Variants in TMEM244 observed in about 807,000 individuals in gnomAD.
The protein encoded by TMEM244 is transmembrane protein 244.
Under a neutral mutation model 15.8 loss-of-function variants are expected in TMEM244, and 13 were observed. The ratio of observed to expected loss-of-function variants is 0.82; its 90% CI spans 0.53 to 1.30. The LOEUF is 1.30. TMEM244 is among the 50% of genes most tolerant of loss of function. TMEM244 has a pLI of 0.00. For missense variants in TMEM244, 161 were observed against 144.9 expected (o/e 1.11, Z -0.57); for synonymous variants, 45 against 48.7 (o/e 0.92, Z 0.32).
intron 2 of TMEM244, 107 bp from the exon 3 acceptor site, chr6:129,843,710 T>C: frequency 1.3e-6 from 1 of 771,454 alleles, no homozygotes. Context: ...GCTATGCGAT[T>C]CACCCACATT....
At chr6:129,838,603 G>A (rs9483062) in intron 3 of TMEM244, among the ~76,000 whole-genome samples, 56,669 of 151,782 alleles carry the variant, frequency 0.37, 11,064 homozygotes, top group South Asian at 0.5. Flanking sequence ...TGAAGGAGAT[G>A]GAGACACAAA....
chr6:129,847,225 C>T (rs994145162), intron 1 of TMEM244, among the ~76,000 whole-genome samples: 1 of 152,152 alleles, frequency 6.6e-6, no homozygotes, highest in African/African-American at 2.4e-5. Context: ...TTAACCTTTT[C>T]AAAGATATCC....
At chr6:129,838,924 G>A (rs1045377394) in intron 3 of TMEM244, among the ~76,000 whole-genome samples, 6 of 151,324 alleles carry the variant, frequency 4.0e-5, no homozygotes, top group Admixed American at 3.3e-4. Flanking sequence ...TTCTGAAATA[G>A]AGGAAATAAT....
intron 1 of TMEM244, among the ~76,000 whole-genome samples, chr6:129,852,781 C>A (rs564218586): frequency 8.5e-5 from 13 of 152,220 alleles, no homozygotes; most frequent in African/African-American, 3.1e-4. Context: ...TGGTGCCAGC[C>A]ACAAACCATT....
intron 2 of TMEM244, among the ~76,000 whole-genome samples, chr6:129,845,361 G>A (rs908214965): frequency 5.3e-5 from 8 of 152,160 alleles, no homozygotes; most frequent in Admixed American, 1.3e-4. Context: ...TAATGGGTTC[G>A]CTTTCTTTCC....
intron 3 of TMEM244, among the ~76,000 whole-genome samples, chr6:129,837,986 C>A (rs1207576478): frequency 6.6e-6 from 1 of 152,158 alleles, no homozygotes; most frequent in Non-Finnish European, 1.5e-5. Context: ...GACTTTAACA[C>A]CCCACTGTCA....
At chr6:129,834,006 C>T (rs975123670) in intron 3 of TMEM244, among the ~76,000 whole-genome samples, 44 of 152,232 alleles carry the variant, frequency 2.9e-4, no homozygotes, top group Admixed American at 2.4e-3. Context: ...TGAACTACAA[C>T]GTTTGTCTGA....
intron 1 of TMEM244, among the ~76,000 whole-genome samples, chr6:129,859,258 G>A (rs1776766064): frequency 6.6e-6 from 1 of 152,164 alleles, no homozygotes. Flanking sequence ...TTCTGAACAT[G>A]TATACAATTC....
At chr6:129,839,017 C>T (rs1230920060) in intron 3 of TMEM244, among the ~76,000 whole-genome samples, 1 of 152,166 alleles carries the variant, frequency 6.6e-6, no homozygotes. Context: ...GGAGCTGGTA[C>T]CATTCCTTCT....
intron 3 of TMEM244, among the ~76,000 whole-genome samples, chr6:129,840,302 C>A (rs1033709095): frequency 6.6e-6 from 1 of 152,172 alleles, no homozygotes; most frequent in Admixed American, 6.5e-5. Context: ...TGATCTTTGA[C>A]AAACCTGACA....
intron 3 of TMEM244, among the ~76,000 whole-genome samples, chr6:129,840,994 A>G (rs1472674870): frequency 1.3e-5 from 2 of 152,238 alleles, no homozygotes; most frequent in Non-Finnish European, 2.9e-5. Flanking sequence ...AACTAGTTCA[A>G]CCATTGCGGA....
Position 129,861,304 on chromosome 6 carries a change from A to AGAC in TMEM244, c.-119_-117dup. 1 of 1,197,362 alleles carries AGAC rather than the reference A, an allele frequency of 8.4e-7. No individual in the cohort carries two copies. Among genetic ancestry groups the AGAC allele is most frequent in the South Asian group, 1.3e-5 (1 of 75,834 alleles). The allele number at this position is 1,197,362 out of a possible 1,614,324, so 74.2% of individuals were successfully genotyped here. ...CAATTACTCCTGGAGACTAAGTGTG[A>AGAC]GACGCAGTAGTGCAGGATGATTGGA... On this transcript the variant is annotated 5_prime_UTR_variant, in exon 1 of 5. Transcript: ENST00000368143.
chr6:129,832,088 T>G (rs950775612), intron 4 of TMEM244, among the ~76,000 whole-genome samples: 4 of 150,358 alleles, frequency 2.7e-5, no homozygotes, highest in Non-Finnish European at 4.4e-5. Flanking sequence ...TGGAGACAGA[T>G]TGTACTTTTT....
intron 3 of TMEM244, among the ~76,000 whole-genome samples, chr6:129,837,156 G>A (rs1270788513): frequency 6.6e-6 from 1 of 152,200 alleles, no homozygotes; most frequent in Non-Finnish European, 1.5e-5. Flanking sequence ...GGGAAAAAAT[G>A]TTAAGGGCAG....
intron 4 of TMEM244, among the ~76,000 whole-genome samples, chr6:129,832,093 CTTTTT>C (rs1177577598): frequency 1.8e-5 from 2 of 114,164 alleles, no homozygotes; most frequent in Non-Finnish European, 1.8e-5. Context: ...ACAGATTGTA[CTTTTT>C]TTTTTTTTTT....
chr6:129,840,437 G>C (rs1433601524), intron 3 of TMEM244, among the ~76,000 whole-genome samples: 1 of 152,134 alleles, frequency 6.6e-6, no homozygotes, highest in Non-Finnish European at 1.5e-5. Context: ...ACTCAAGATG[G>C]ATAAAGACTT....
chr6:129,852,977 C>G (rs1368627112), intron 1 of TMEM244, among the ~76,000 whole-genome samples: 8 of 152,134 alleles, frequency 5.3e-5, no homozygotes, highest in Admixed American at 2.0e-4. Context: ...TCTTTCCAGT[C>G]TATTGATGGA....
chr6:129,847,862 T>A (rs1391899437), intron 1 of TMEM244, among the ~76,000 whole-genome samples: 2 of 150,330 alleles, frequency 1.3e-5, no homozygotes, highest in Non-Finnish European at 3.0e-5. Context: ...GCAAACTCGG[T>A]CTCCCGGGTT....
At chr6:129,859,581 A>G (rs1562203198) in intron 1 of TMEM244, among the ~76,000 whole-genome samples, 2 of 152,248 alleles carry the variant, frequency 1.3e-5, no homozygotes, top group Non-Finnish European at 2.9e-5. Flanking sequence ...GTTAGGAAAC[A>G]TGCCGTCTAC....
Sources: allele counts gnomAD v4.1 joint callset (sites outside exome capture counted in the v4.1 genomes callset), GRCh38; gene constraint gnomAD v4.1.1; transcripts MANE v1.5; gene names NCBI Gene and HGNC (gene_info 2026-07-23, HGNC 2026-07-21).